Variants in PCDH11X observed in about 807,000 individuals in gnomAD.
PCDH11X encodes protocadherin 11 X-linked, also known as protocadherin-11 X-linked.
A neutral mutation model predicts 53.3 loss-of-function variants in PCDH11X; 18 were observed. That is an observed-to-expected ratio of 0.34 (90% CI 0.23 to 0.50). PCDH11X has a LOEUF of 0.50. Among genes scored for constraint, PCDH11X ranks in the 20% least tolerant of loss-of-function variants. The probability of loss-of-function intolerance (pLI) is 0.98; values close to 1 mark genes in which losing one functional copy is unlikely to be tolerated. For missense variants in PCDH11X, 570 were observed against 1,032.4 expected (o/e 0.55, Z 6.14); for synonymous variants, 279 against 393.3 (o/e 0.71, Z 3.44).
intron 6 of PCDH11X, among the ~76,000 whole-genome samples, chrX:92,118,731 CTTTTTTTTTTTTTTT>C (rs199880924): frequency 2.2e-4 from 10 of 45,636 alleles, no homozygotes; most frequent in Admixed American, 1.3e-3. Flanking sequence ...ATAATGCAGT[CTTTTTTTTTTTTTTT>C]TTTTTTTTTT....
rs142463561 is a variant in PCDH11X at position 92,615,169 on chromosome X, G to C, written c.3368-3095G>C. 3.6e-3 allele frequency among the ~76,000 whole-genome samples: 397 copies of C among 111,290 alleles called. 1 individual carries two copies. Among genetic ancestry groups the C allele is most frequent in the Non-Finnish European group, 3.1e-3 (163 of 52,982 alleles). On this transcript the variant is annotated intron_variant, in intron 10 of 10. Coordinates refer to ENST00000682573, the MANE Select transcript of PCDH11X (RefSeq NM_032968.5). The stretch of plus-strand genomic sequence containing the variant: ...GCACCACCATCTATGCACAGAAATA[G>C]GGGCAGGTAAAGCTGTTGATCCAGG...
chrX:92,426,708 G>C (rs1288234946), intron 9 of PCDH11X, among the ~76,000 whole-genome samples: 3 of 109,323 alleles, frequency 2.7e-5, no homozygotes, highest in African/African-American at 6.6e-5. Context: ...GCAAAAACAG[G>C]GTATTGCATA....
intron 5 of PCDH11X, among the ~76,000 whole-genome samples, chrX:91,873,256 C>G (rs535697741): frequency 3.6e-5 from 4 of 110,171 alleles, no homozygotes; most frequent in Admixed American, 2.9e-4. Context: ...TGAAAATGTT[C>G]TACATCTGCA....
chrX:92,221,145 C>T (rs1401513523), intron 7 of PCDH11X, among the ~76,000 whole-genome samples: 1 of 101,277 alleles, frequency 9.9e-6, no homozygotes, highest in Non-Finnish European at 2.0e-5. Context: ...CACATGTATA[C>T]ATATGTAACT....
chrX:92,373,437 G>A (rs2070670644), intron 8 of PCDH11X, among the ~76,000 whole-genome samples: 2 of 111,298 alleles, frequency 1.8e-5, no homozygotes, highest in Admixed American at 1.9e-4. Flanking sequence ...CTTTCGCATG[G>A]GAATTTCGTC....
chrX:91,827,342 A>G (rs1195029645), intron 4 of PCDH11X, among the ~76,000 whole-genome samples: 1 of 111,165 alleles, frequency 9.0e-6, no homozygotes, highest in Non-Finnish European at 1.9e-5. Flanking sequence ...TTCCTTATAA[A>G]TGCTGGATAT....
chrX:91,829,667 G>A (rs1473928172), intron 4 of PCDH11X, among the ~76,000 whole-genome samples: 2 of 110,242 alleles, frequency 1.8e-5, no homozygotes, highest in Non-Finnish European at 3.8e-5. Context: ...TTTACACGAG[G>A]GACCTTTGGT....
rs762302959 is a variant in PCDH11X at position 92,466,793 on chromosome X, T to G, written c.3344-1506T>G. On this transcript the variant is annotated intron_variant, in intron 9 of 10. Transcript: ENST00000682573. ...AAGTCCAGACCCATTACATTACTTA[T>G]TTTTTTGACCTTTTTAGTTACCAAA... 2.5e-4 allele frequency among the ~76,000 whole-genome samples: 28 copies of G among 110,092 alleles called. No homozygotes were observed. In the South Asian group the frequency reaches 0.01, roughly 41 times the overall value.
At chrX:92,321,668 C>A (rs1435688803) in intron 8 of PCDH11X, among the ~76,000 whole-genome samples, 4 of 111,057 alleles carry the variant, frequency 3.6e-5, no homozygotes, top group Non-Finnish European at 5.7e-5. Flanking sequence ...ATCTTATTAC[C>A]ACAAAGAGTC....
chrX:92,117,786 T>A (rs184267780), intron 6 of PCDH11X, among the ~76,000 whole-genome samples: 9 of 111,658 alleles, frequency 8.1e-5, no homozygotes, highest in Middle Eastern at 4.6e-3. Flanking sequence ...CTCTAATTTA[T>A]ACATCAAAGT....
At chrX:92,499,357 G>A (rs1439632278) in intron 10 of PCDH11X, among the ~76,000 whole-genome samples, 2 of 84,646 alleles carry the variant, frequency 2.4e-5, no homozygotes, top group Non-Finnish European at 4.6e-5. Context: ...TTTTTCACTT[G>A]TAGTAATTTT....
At chrX:92,271,533 TTAG>T (rs1321199321) in intron 8 of PCDH11X, among the ~76,000 whole-genome samples, 4 of 111,996 alleles carry the variant, frequency 3.6e-5, no homozygotes, top group African/African-American at 1.3e-4. Flanking sequence ...GAGAACCTCA[TTAG>T]TTACTTGGGG....
chrX:92,263,241 C>G, intron 8 of PCDH11X, 98 bp downstream of exon 8: 1 of 689,764 alleles, frequency 1.4e-6, no homozygotes, highest in Non-Finnish European at 2.1e-6. Flanking sequence ...ACTGTAAGTA[C>G]TTAGGATAAC....
At chrX:92,316,162 C>T (rs1378644919) in intron 8 of PCDH11X, among the ~76,000 whole-genome samples, 1 of 104,294 alleles carries the variant, frequency 9.6e-6, no homozygotes, top group Non-Finnish European at 2.0e-5. Context: ...GTCATGGTGG[C>T]TTGCTTTAGG....
intron 8 of PCDH11X, among the ~76,000 whole-genome samples, chrX:92,379,978 C>A (rs1001093929): frequency 2.0e-5 from 2 of 101,062 alleles, no homozygotes; most frequent in Admixed American, 2.1e-4. Flanking sequence ...AAACACCACC[C>A]CCCCCACCCC....
intron 6 of PCDH11X, among the ~76,000 whole-genome samples, chrX:91,999,971 T>A (rs961044579): frequency 1.4e-4 from 16 of 111,314 alleles, no homozygotes; most frequent in African/African-American, 5.2e-4. Context: ...TCGTCTTAGC[T>A]GGCAAAGTAA....
intron 6 of PCDH11X, among the ~76,000 whole-genome samples, chrX:91,893,116 A>G (rs1353324098): frequency 1.8e-5 from 2 of 109,819 alleles, no homozygotes; most frequent in Non-Finnish European, 3.8e-5. Context: ...GTTTCAAATA[A>G]ATGACTAGGT....
At chrX:91,801,325 T>G (rs1225339966) in intron 1 of PCDH11X, among the ~76,000 whole-genome samples, 12 of 110,467 alleles carry the variant, frequency 1.1e-4, no homozygotes, top group Non-Finnish European at 5.7e-5. Flanking sequence ...TTTTCTGCCT[T>G]TGTTAGTCAA....
intron 10 of PCDH11X, among the ~76,000 whole-genome samples, chrX:92,570,343 CTAT>C (rs920355073): frequency 1.1e-4 from 12 of 111,709 alleles, no homozygotes; most frequent in Admixed American, 1.0e-3. Context: ...TTATGAAATA[CTAT>C]TATAGTTTAT....
Sources: gnomAD v4.1 joint callset for allele counts (sites outside exome capture counted in the v4.1 genomes callset) on GRCh38, gnomAD v4.1.1 for gene constraint, MANE v1.5 for transcripts, NCBI Gene and HGNC (gene_info 2026-07-23, HGNC 2026-07-21) for gene names.